The following DENND2B variants were observed in gnomAD, a reference collection of about 807,000 sequenced individuals.
DENND2B encodes the protein DENN domain containing 2B, also known as DENN domain-containing protein 2B.
Under a neutral mutation model 116.0 loss-of-function variants are expected in DENND2B, and 32 were observed. The observed-to-expected ratio is 0.28, with a 90% CI of 0.21 to 0.37. DENND2B has a LOEUF of 0.37. Ranked by LOEUF, DENND2B falls within the 10% of genes least tolerant of loss-of-function variation. DENND2B has a pLI of 1.00. For missense variants in DENND2B, 1,276 were observed against 1,477.7 expected, an observed-to-expected ratio of 0.86 and a Z score of 2.24; for synonymous variants, 588 against 583.9, an observed-to-expected ratio of 1.01 and a Z score of -0.10.
At position 8,715,667 on chromosome 11, in the gene DENND2B, T is replaced by C. The variant is rs768715492; in HGVS notation, c.1781A>G (p.Asn594Ser). Residue 594 changes from asparagine to serine, a missense_variant, in exon 6 of 20, where the codon AAT (asparagine) becomes AGT (serine). Asn to Ser is a conservative substitution (Grantham distance 46, BLOSUM62 1). Around this residue, in one of 2 missense-constraint regions of DENND2B, gnomAD observed 856 missense variants for 846.6 expected, o/e 1.01. Transcript: ENST00000313726. The stretch of plus-strand genomic sequence containing the variant: ...GCTGGTGGTGCTGAGGCTGTCTTCA[T>C]TGAGGCTGGAGGGTGAGGACGGCAG... ...LSLPSSPSSLNEDSLSTTSEL... is the reference protein window; with the variant it reads ...LSLPSSPSSLSEDSLSTTSEL... 17 of 1,614,102 alleles carry C rather than the reference T, an allele frequency of 1.1e-5. 1 individual carries two copies. The highest frequency in any genetic ancestry group is 5.5e-5 in the South Asian group (5 of 91,068).
intron 4 of DENND2B, chr11:8,718,343 C>CT: frequency 6.5e-7 from 1 of 1,532,638 alleles, no homozygotes. Flanking sequence ...CTCAGGGGAT[C>CT]TCCCTGGGGA....
intron 6 of DENND2B, 44 bp downstream of exon 6, chr11:8,715,559 C>G (rs551812696): frequency 1.3e-6 from 2 of 1,595,866 alleles, no homozygotes; most frequent in African/African-American, 2.7e-5. Flanking sequence ...GCTGCCTGCC[C>G]GCCCACCTGC....
chr11:8,730,606 C>T lies in DENND2B; in HGVS notation c.684G>A (p.Met228Ile). The T allele has an allele frequency of 1.2e-6, 2 of 1,613,138 alleles. No homozygotes were observed. Among genetic ancestry groups the T allele is most frequent in the Non-Finnish European group, 1.7e-6 (2 of 1,180,026 alleles). ...AGGAACACTCGGAGAAGGTCCTGCT[C>T]ATCCTCCGGAGGCCCTTGAAATCAA... ...KTFDFKGLRR[M>I]SRTFSECSYP... Residue 228 changes from methionine (M) to isoleucine (I), a missense_variant, in exon 3 of 20, where the codon ATG (methionine) becomes ATA (isoleucine). By Grantham distance (10) the Met-to-Ile change is conservative (BLOSUM62 1). This residue lies in a region of DENND2B where 856 missense variants were observed against 846.6 expected (regional missense o/e 1.01). Coordinates refer to ENST00000313726, the MANE Select transcript of DENND2B (RefSeq NM_213618.2). This position sits in a 1 kb window ranked among gnomAD's most constrained non-coding sequence, Gnocchi z 4.1.
Position 8,712,692 on chromosome 11 carries a change from G to T in DENND2B, c.2031C>A (p.Arg677=). 6.2e-7 allele frequency: 1 copy of T among 1,612,216 alleles called. No homozygotes were observed. Among genetic ancestry groups the T allele is most frequent in the Non-Finnish European group, 8.5e-7 (1 of 1,179,412 alleles). ...RLVHIQSMLK[R]APSYRTLELE... is the part of the protein sequence containing the mutation. ...GCTCCAGCGTGCGATAGCTGGGGGC[G>T]CGCTTCAGCATCGACTGGATGTGGA... is the stretch of plus-strand genomic sequence containing the variant. The change falls in exon 9 of 20, where the codon CGC becomes CGA. Residue 677 remains arginine (R), a synonymous_variant. Coordinates refer to ENST00000313726, the MANE Select transcript of DENND2B (RefSeq NM_213618.2). This position sits in a 1 kb window ranked among gnomAD's most constrained non-coding sequence, Gnocchi z 4.4.
chr11:8,784,826 A>C (rs900378200), intron 1 of DENND2B, among the ~76,000 whole-genome samples: 12 of 146,816 alleles, frequency 8.2e-5, no homozygotes, highest in African/African-American at 3.2e-4. Context: ...TGACAAAGTA[A>C]GACTCCTTCT....
At chr11:8,773,113 A>C (rs777310989) in intron 1 of DENND2B, among the ~76,000 whole-genome samples, 1 of 152,198 alleles carries the variant, frequency 6.6e-6, no homozygotes, top group Non-Finnish European at 1.5e-5. Flanking sequence ...CATCCAGCAA[A>C]GGCCATGAGC....
At chr11:8,697,371 T>C (rs1398899252) in intron 17 of DENND2B, among the ~76,000 whole-genome samples, 154 bp downstream of exon 17, 4 of 152,258 alleles carry the variant, frequency 2.6e-5, no homozygotes, top group African/African-American at 9.6e-5. Flanking sequence ...CTTCCTAAAC[T>C]ACCTGGGGTA....
chr11:8,792,984 T>C (rs2059516722), intron 1 of DENND2B, among the ~76,000 whole-genome samples: 3 of 152,220 alleles, frequency 2.0e-5, no homozygotes. Flanking sequence ...TGGATACTGC[T>C]GTTCATTACA....
intron 2 of DENND2B, among the ~76,000 whole-genome samples, chr11:8,859,792 G>C (rs1434847748): frequency 6.6e-6 from 1 of 152,134 alleles, no homozygotes; most frequent in East Asian, 1.9e-4. Flanking sequence ...TCTTGGCAGA[G>C]ACAGGCATGC....
At position 8,695,394 on chromosome 11, in the gene DENND2B, G is replaced by A. The variant is rs528905535; in HGVS notation, c.3379+69C>T. 201 of 1,416,622 alleles carry A rather than the reference G, an allele frequency of 1.4e-4. No homozygotes were observed. In the African/African-American group the frequency reaches 1.6e-3, roughly 11 times the overall value. The allele number at this position is 1,416,622 out of a possible 1,614,324, so 87.8% of individuals were successfully genotyped here. A position where few individuals can be genotyped will look rare whatever the true frequency, so the allele number is the denominator to read the frequency against. Reference sequence around the variant, plus strand: ...CTGTTGACATTGATTTAGAGTATTCGGGAACACAAATCTCCCAGCCCCTTC... The same window carrying A: ...CTGTTGACATTGATTTAGAGTATTCAGGAACACAAATCTCCCAGCCCCTTC... On this transcript the variant is annotated intron_variant, in intron 19 of 19. Coordinates refer to ENST00000313726, the MANE Select transcript of DENND2B (RefSeq NM_213618.2).
chr11:8,749,896 C>A (rs539118078), intron 2 of DENND2B, among the ~76,000 whole-genome samples: 1 of 152,292 alleles, frequency 6.6e-6, no homozygotes, highest in South Asian at 2.1e-4. Context: ...CAGAGAAGCC[C>A]TGGTGAGAGT....
chr11:8,836,070 G>A (rs891605375), intron 4 of DENND2B, among the ~76,000 whole-genome samples: 5 of 151,920 alleles, frequency 3.3e-5, no homozygotes, highest in Admixed American at 6.6e-5. Context: ...ATATAGGGCC[G>A]GGGATGGTGA....
At chr11:8,839,964 A>C (rs187385528) in intron 3 of DENND2B, among the ~76,000 whole-genome samples, 2 of 152,020 alleles carry the variant, frequency 1.3e-5, no homozygotes, top group African/African-American at 4.8e-5. Flanking sequence ...TGGACAGTCT[A>C]TGAGACAAGG....
intron 1 of DENND2B, among the ~76,000 whole-genome samples, chr11:8,787,482 G>C (rs751486200): frequency 7.9e-5 from 12 of 152,212 alleles, no homozygotes; most frequent in Non-Finnish European, 1.5e-4. Context: ...GGCCAGAACT[G>C]GCATTTCTGC....
chr11:8,728,672 G>A (rs1256640490), intron 3 of DENND2B, among the ~76,000 whole-genome samples: 2 of 152,156 alleles, frequency 1.3e-5, no homozygotes, highest in East Asian at 1.9e-4. Context: ...TCTATGAGGA[G>A]CCTCCCTTCT....
At chr11:8,772,421 C>G (rs2057050006) in intron 1 of DENND2B, among the ~76,000 whole-genome samples, 1 of 151,978 alleles carries the variant, frequency 6.6e-6, no homozygotes, top group Non-Finnish European at 1.5e-5. Context: ...CTTGTCCCCA[C>G]TTAATCTATG....
Position 8,730,782 on chromosome 11 carries a change from C to G in DENND2B, c.508G>C (p.Ala170Pro). 6.2e-7 allele frequency: 1 copy of G among 1,612,988 alleles called. No homozygotes were observed. The highest frequency in any genetic ancestry group is 8.5e-7 in the Non-Finnish European group (1 of 1,179,986). The part of the protein sequence containing the change: ...HSLGIREKIS[A>P]WEGRREASPR... ...GACGCCTCTCGGCGACCTTCCCATG[C>G]TGATATCTTCTCCCGGATGCCCAGG... Residue 170 changes from alanine to proline, a missense_variant, in exon 3 of 20, where the codon GCA (alanine) becomes CCA (proline). Ala to Pro is a conservative substitution (Grantham distance 27). Coordinates refer to ENST00000313726, the MANE Select transcript of DENND2B (RefSeq NM_213618.2). This position sits in a 1 kb window ranked among gnomAD's most constrained non-coding sequence, Gnocchi z 4.1.
chr11:8,831,260 T>C (rs941160474), intron 4 of DENND2B, among the ~76,000 whole-genome samples: 4 of 152,104 alleles, frequency 2.6e-5, no homozygotes, highest in African/African-American at 9.7e-5. Flanking sequence ...ATGGGGAGGA[T>C]TGTCAGGAGA....
At chr11:8,878,122 A>G (rs946390000) in intron 2 of DENND2B, among the ~76,000 whole-genome samples, 12 of 152,246 alleles carry the variant, frequency 7.9e-5, no homozygotes, top group Admixed American at 4.6e-4. Flanking sequence ...TGCCTAAGCC[A>G]TGAAAATGAG....
Sources: allele counts gnomAD v4.1 joint callset (sites outside exome capture counted in the v4.1 genomes callset), GRCh38; gene constraint gnomAD v4.1.1; regional missense constraint gnomAD v4.1.1; non-coding constraint Gnocchi (gnomAD v3.1); transcripts MANE v1.5; gene names NCBI Gene and HGNC (gene_info 2026-07-23, HGNC 2026-07-21).